ESRRG: variants seen among roughly 807,000 people sequenced by gnomAD.
ESRRG encodes the protein estrogen related receptor gamma, also known as estrogen-related receptor gamma.
A neutral mutation model predicts 44.0 loss-of-function variants in ESRRG; 13 were observed. The observed-to-expected ratio is 0.30, with a 90% CI of 0.19 to 0.47. The LOEUF (loss-of-function observed/expected upper bound fraction) is 0.47. Among genes scored for constraint, ESRRG ranks in the 20% least tolerant of loss-of-function variants. ESRRG has a pLI of 1.00. For synonymous variants in ESRRG, 215 were observed against 214.6 expected (o/e 1.00, Z -0.02); for missense variants, 395 against 580.6 (o/e 0.68, Z 3.29).
At chr1:216,964,079 A>T (rs1466702152) in intron 1 of ESRRG, among the ~76,000 whole-genome samples, 1 of 152,154 alleles carries the variant, frequency 6.6e-6, no homozygotes, top group Non-Finnish European at 1.5e-5. Flanking sequence ...GATTCCAAGG[A>T]TCTGAAAGAA....
chr1:216,517,358 A>G (rs1241662370), intron 6 of ESRRG, among the ~76,000 whole-genome samples: 5 of 152,134 alleles, frequency 3.3e-5, no homozygotes, highest in Non-Finnish European at 7.4e-5. Flanking sequence ...TAAGCAACAG[A>G]GACAGAAATG....
At chr1:217,049,847 C>G (rs759009855) in intron 1 of ESRRG, among the ~76,000 whole-genome samples, 10 of 152,144 alleles carry the variant, frequency 6.6e-5, no homozygotes, top group South Asian at 2.1e-4. Flanking sequence ...AGAAAGTGAT[C>G]CAGAATGGGG....
chr1:216,924,686 C>A (rs2062289464), intron 2 of ESRRG, among the ~76,000 whole-genome samples: 1 of 152,066 alleles, frequency 6.6e-6, no homozygotes. Context: ...AAGAGTGTTG[C>A]AAATACAGGA....
intron 1 of ESRRG, among the ~76,000 whole-genome samples, chr1:217,103,481 AC>A (rs947551648): frequency 5.5e-5 from 8 of 145,214 alleles, no homozygotes; most frequent in Admixed American, 1.4e-4. Flanking sequence ...CCTCATCTCT[AC>A]AAAAAAAAAA....
At chr1:216,965,161 T>TA (rs2070018100) in intron 1 of ESRRG, among the ~76,000 whole-genome samples, 1 of 28,346 alleles carries the variant, frequency 3.5e-5, no homozygotes, top group Non-Finnish European at 1.2e-4. Flanking sequence ...CACATATGCC[T>TA]TTTTTTTTTT....
At chr1:216,813,912 A>C (rs1267280956) in intron 2 of ESRRG, among the ~76,000 whole-genome samples, 1 of 152,228 alleles carries the variant, frequency 6.6e-6, no homozygotes, top group Non-Finnish European at 1.5e-5. Flanking sequence ...ACTGGTGTTT[A>C]TTAATGTATT....
chr1:216,905,289 C>G (rs1032445820), intron 2 of ESRRG, among the ~76,000 whole-genome samples: 1 of 152,110 alleles, frequency 6.6e-6, no homozygotes, highest in Non-Finnish European at 1.5e-5. Context: ...TCACTAGGCT[C>G]CAGTCATGTT....
At chr1:216,644,578 G>GC in intron 3 of ESRRG, among the ~76,000 whole-genome samples, 1 of 151,818 alleles carries the variant, frequency 6.6e-6, no homozygotes, top group Admixed American at 6.6e-5. Flanking sequence ...ACAGGTGTGT[G>GC]CCACCACACC....
At chr1:217,017,347 G>A (rs1180779248) in intron 1 of ESRRG, among the ~76,000 whole-genome samples, 1 of 151,912 alleles carries the variant, frequency 6.6e-6, no homozygotes, top group Non-Finnish European at 1.5e-5. Context: ...CATTCACACT[G>A]AGAATAAATG....
chr1:216,993,485 G>A (rs941739631), intron 1 of ESRRG, among the ~76,000 whole-genome samples: 1 of 152,138 alleles, frequency 6.6e-6, no homozygotes, highest in Non-Finnish European at 1.5e-5. Context: ...TTTGGAGTTT[G>A]GGAGCAGAGA....
At chr1:216,689,836 T>C (rs1258106137) in intron 1 of ESRRG, among the ~76,000 whole-genome samples, 1 of 150,118 alleles carries the variant, frequency 6.7e-6, no homozygotes, top group African/African-American at 2.5e-5. Context: ...ATAAGTAATG[T>C]GCTAATTCTG....
In ESRRG at chr1:216,677,259, C is replaced by T; in HGVS notation, c.289G>A (p.Val97Ile). 2 of 1,614,118 alleles carry T rather than the reference C, an allele frequency of 1.2e-6. No individual in the cohort carries two copies. The highest frequency in any genetic ancestry group is 1.7e-6 in the Non-Finnish European group (2 of 1,180,032). ...GAGCAGTCATCATACAGTTTCCTGA[C>T]AGGCCCACTACCTCCCAGGATAGGA... is the stretch of plus-strand genomic sequence containing the variant. ...SAPILGGSGP[V>I]RKLYDDCSST... Residue 97 changes from valine (V) to isoleucine (I), a missense_variant, in exon 2 of 7, where the codon GTC becomes ATC. This residue lies in a region of ESRRG where 148 missense variants were observed against 150.4 expected (regional missense o/e 0.98). Transcript: ENST00000408911.
At chr1:216,940,384 T>A (rs1350478517) in intron 1 of ESRRG, among the ~76,000 whole-genome samples, 1 of 152,192 alleles carries the variant, frequency 6.6e-6, no homozygotes, top group Non-Finnish European at 1.5e-5. Context: ...GCTTCTCATA[T>A]CTTTACTAAA....
intron 2 of ESRRG, among the ~76,000 whole-genome samples, chr1:216,664,119 G>A (rs1355401043): frequency 1.3e-5 from 2 of 152,112 alleles, no homozygotes; most frequent in Non-Finnish European, 1.5e-5. Context: ...TAACTTAAAT[G>A]ATTTTGCCCA....
intron 2 of ESRRG, among the ~76,000 whole-genome samples, chr1:216,764,032 G>A (rs1289980698): frequency 1.3e-5 from 2 of 152,108 alleles, no homozygotes; most frequent in African/African-American, 2.4e-5. Flanking sequence ...GTCTTACAAG[G>A]TATGATACTT....
At chr1:216,829,252 T>C (rs1449412548) in intron 2 of ESRRG, among the ~76,000 whole-genome samples, 2 of 151,976 alleles carry the variant, frequency 1.3e-5, no homozygotes. Flanking sequence ...TGTATGAACA[T>C]ACACACATTT....
At chr1:216,623,521 A>T (rs533113376) in intron 3 of ESRRG, among the ~76,000 whole-genome samples, 1 of 152,286 alleles carries the variant, frequency 6.6e-6, no homozygotes, top group East Asian at 1.9e-4. Context: ...CAAAGAGAAA[A>T]GGTACCAGTG....
chr1:216,802,416 G>A (rs1015414912), intron 2 of ESRRG, among the ~76,000 whole-genome samples: 1 of 152,092 alleles, frequency 6.6e-6, no homozygotes, highest in Admixed American at 6.6e-5. Flanking sequence ...ATTGCCAAAA[G>A]CTAGCTTAAA....
At chr1:217,130,814 G>A (rs1330542425) in intron 1 of ESRRG, among the ~76,000 whole-genome samples, 1 of 152,030 alleles carries the variant, frequency 6.6e-6, no homozygotes, top group Non-Finnish European at 1.5e-5. Context: ...AAGAACATAG[G>A]AGACAAACTA....
Sources: allele counts gnomAD v4.1 joint callset (sites outside exome capture counted in the v4.1 genomes callset), GRCh38; gene constraint gnomAD v4.1.1; regional missense constraint gnomAD v4.1.1; transcripts MANE v1.5; gene names NCBI Gene and HGNC (gene_info 2026-07-23, HGNC 2026-07-21).